SLC35F4: variants seen among roughly 807,000 people sequenced by gnomAD.
The protein encoded by SLC35F4 is solute carrier family 35 member F4.
In SLC35F4, 24 loss-of-function variants were observed where a neutral mutation model predicts 44.2. That is an observed-to-expected ratio of 0.54 (90% CI 0.39 to 0.76). The LOEUF is 0.76. SLC35F4 is among the 30% of genes least tolerant of loss of function. The pLI is 0.00. For missense variants in SLC35F4, 562 were observed against 586.1 expected, an observed-to-expected ratio of 0.96 and a Z score of 0.42; for synonymous variants, 238 against 223.6, an observed-to-expected ratio of 1.06 and a Z score of -0.57.
chr14:57,620,737 T>A (rs2072132050), intron 1 of SLC35F4, among the ~76,000 whole-genome samples: 1 of 152,198 alleles, frequency 6.6e-6, no homozygotes, highest in African/African-American at 2.4e-5. Context: ...CATGAAGGGT[T>A]GTTGAATTTT....
chr14:57,611,402 T>C (rs1399081775), intron 1 of SLC35F4, among the ~76,000 whole-genome samples: 1 of 151,786 alleles, frequency 6.6e-6, no homozygotes, highest in African/African-American at 2.4e-5. Context: ...GGGTAAGAAA[T>C]AAACTCTCTA....
At chr14:57,769,229 G>A (rs781254412) in intron 1 of SLC35F4, among the ~76,000 whole-genome samples, 2 of 151,964 alleles carry the variant, frequency 1.3e-5, no homozygotes, top group African/African-American at 4.8e-5. Flanking sequence ...TCCAGCACCC[G>A]TGCTGGGCTT....
At chr14:57,797,119 T>G (rs2078071467) in intron 1 of SLC35F4, among the ~76,000 whole-genome samples, 1 of 152,188 alleles carries the variant, frequency 6.6e-6, no homozygotes, top group African/African-American at 2.4e-5. Flanking sequence ...CTTCCAGGAT[T>G]CATAAAACCA....
chr14:57,701,626 A>G (rs933698925), intron 1 of SLC35F4, among the ~76,000 whole-genome samples: 1 of 152,206 alleles, frequency 6.6e-6, no homozygotes, highest in Admixed American at 6.5e-5. Context: ...CAGCTCCACT[A>G]TAATTTCACG....
At chr14:57,656,198 G>T (rs897640123) in intron 1 of SLC35F4, among the ~76,000 whole-genome samples, 1 of 151,844 alleles carries the variant, frequency 6.6e-6, no homozygotes, top group African/African-American at 2.4e-5. Context: ...GAGGCTACTG[G>T]TTTCGTGTGT....
chr14:57,881,310 G>A (rs1325083066), intron 1 of SLC35F4, among the ~76,000 whole-genome samples: 4 of 152,080 alleles, frequency 2.6e-5, no homozygotes, highest in African/African-American at 9.7e-5. Context: ...GATCATAAGG[G>A]TGCCTCCTAC....
intron 1 of SLC35F4, among the ~76,000 whole-genome samples, chr14:57,770,181 C>A (rs968063722): frequency 1.6e-4 from 24 of 152,128 alleles, no homozygotes; most frequent in African/African-American, 5.8e-4. Context: ...TGCTGTTCAC[C>A]ATGGGCATGG....
intron 1 of SLC35F4, among the ~76,000 whole-genome samples, chr14:57,932,367 A>G (rs1368893483): frequency 6.6e-6 from 1 of 152,212 alleles, no homozygotes; most frequent in Non-Finnish European, 1.5e-5. Flanking sequence ...AGTGTGACCA[A>G]ATGTTCTAAT....
intron 1 of SLC35F4, among the ~76,000 whole-genome samples, chr14:57,760,627 C>T (rs1027545499): frequency 1.8e-4 from 28 of 152,062 alleles, no homozygotes; most frequent in African/African-American, 6.8e-4. Context: ...AACAGTTTAT[C>T]CTTATTTGGG....
At position 57,720,519 on chromosome 14, in the gene SLC35F4, G is replaced by A. The variant is rs541617311; in HGVS notation, c.104-126395C>T. Among the ~76,000 whole-genome samples, 7 of 152,174 alleles carry A rather than the reference G, an allele frequency of 4.6e-5. 1 individual carries two copies. The South Asian group carries it at 1.5e-3, about 32-fold the overall frequency. On this transcript the variant is annotated intron_variant, in intron 1 of 7. Transcript: ENST00000556826. ...GGCATTGATCTCATTACTTGTTATT[G>A]GTATAAGGTTCTGGATTTCTTCCTG...
chr14:57,923,420 G>C (rs1889481367), intron 1 of SLC35F4, among the ~76,000 whole-genome samples: 1 of 152,152 alleles, frequency 6.6e-6, no homozygotes, highest in African/African-American at 2.4e-5. Context: ...ACTGATCCTG[G>C]CTGGTCACTC....
intron 1 of SLC35F4, among the ~76,000 whole-genome samples, chr14:57,946,767 C>T (rs746752997): frequency 1.3e-5 from 2 of 152,180 alleles, no homozygotes; most frequent in Non-Finnish European, 2.9e-5. Context: ...TGAGCCACCA[C>T]GTTGGCCATA....
intron 1 of SLC35F4, among the ~76,000 whole-genome samples, chr14:57,923,101 G>C (rs1304460479): frequency 6.6e-6 from 1 of 152,064 alleles, no homozygotes; most frequent in Admixed American, 6.6e-5. Context: ...AATTAACTTG[G>C]CCAAGATGAT....
intron 1 of SLC35F4, among the ~76,000 whole-genome samples, chr14:57,605,534 G>A (rs2140008281): frequency 6.6e-6 from 1 of 152,136 alleles, no homozygotes; most frequent in East Asian, 1.9e-4. Flanking sequence ...AATCACTGTA[G>A]AGAGCAACTT....
intron 1 of SLC35F4, among the ~76,000 whole-genome samples, chr14:57,624,383 TG>T (rs1255450543): frequency 1.3e-5 from 2 of 152,208 alleles, no homozygotes; most frequent in African/African-American, 4.8e-5. Flanking sequence ...AAAGAGGAGC[TG>T]GTACCATTCC....
At chr14:57,869,514 C>G (rs1487983146), upstream of SLC35F4, among the ~76,000 whole-genome samples, 1 of 152,100 alleles carries the variant, frequency 6.6e-6, no homozygotes, top group Non-Finnish European at 1.5e-5. Flanking sequence ...TTCTATTCAC[C>G]TATTTGAAGT....
intron 1 of SLC35F4, among the ~76,000 whole-genome samples, chr14:57,705,014 A>G (rs1428165582): frequency 1.3e-5 from 2 of 152,216 alleles, no homozygotes; most frequent in African/African-American, 4.8e-5. Context: ...ACCTCAGTGC[A>G]CAAAAAGAAT....
chr14:57,940,055 A>G (rs1889888369), intron 1 of SLC35F4, among the ~76,000 whole-genome samples: 1 of 152,166 alleles, frequency 6.6e-6, no homozygotes, highest in African/African-American at 2.4e-5. Context: ...GAATGTGTTC[A>G]GCCTAAGTGT....
chr14:57,902,338 C>A (rs1889019038), intron 1 of SLC35F4, among the ~76,000 whole-genome samples: 1 of 152,018 alleles, frequency 6.6e-6, no homozygotes, highest in Non-Finnish European at 1.5e-5. Context: ...CCGAGGTGAG[C>A]AGATCACCTG....
Sources: gnomAD v4.1 joint callset for allele counts (sites outside exome capture counted in the v4.1 genomes callset) on GRCh38, gnomAD v4.1.1 for gene constraint, MANE v1.5 for transcripts, NCBI Gene and HGNC (gene_info 2026-07-23, HGNC 2026-07-21) for gene names.